Variants in FSTL3 observed in about 807,000 individuals in gnomAD.
The protein encoded by FSTL3 is follistatin-related protein 3.
FSTL3 carries 21 observed loss-of-function variants against 28.1 expected under a neutral mutation model. That is an observed-to-expected ratio of 0.75 (90% CI 0.53 to 1.08). FSTL3 has a LOEUF of 1.08. FSTL3 is among the 50% of genes least tolerant of loss of function. The probability of loss-of-function intolerance (pLI) is 0.00; values close to 1 mark genes in which losing one functional copy is unlikely to be tolerated. For missense variants in FSTL3, 400 were observed against 380.9 expected (o/e 1.05, Z -0.42); for synonymous variants, 199 against 164.2 (o/e 1.21, Z -1.62).
rs754876312 is a variant in FSTL3 at position 682,812 on chromosome 19, C to T, written c.*1104C>T. 6.9e-5 allele frequency: 16 copies of T among 232,838 alleles called. No individual in the cohort carries two copies. The highest frequency in any genetic ancestry group is 1.8e-4 in the South Asian group (1 of 5,542). 14.4% of individuals were successfully genotyped at this position (232,838 alleles called of 1,614,324 possible). On this transcript the variant is annotated 3_prime_UTR_variant, in exon 5 of 5. Coordinates refer to ENST00000166139, the MANE Select transcript of FSTL3 (RefSeq NM_005860.3). ...TCTGGGGGAGCTCTGGCGGGGACCACGGGCCACTGCTCACCCACTGGCCCC... is the reference window on the plus strand; with the variant it reads ...TCTGGGGGAGCTCTGGCGGGGACCATGGGCCACTGCTCACCCACTGGCCCC...
rs2031377546 is a variant in FSTL3, at chr19:683,193, ATCCAGCT to A, written c.*1489_*1495del. On this transcript the variant is annotated 3_prime_UTR_variant, in exon 5 of 5. Coordinates refer to ENST00000166139, the MANE Select transcript of FSTL3 (RefSeq NM_005860.3). ...ATGGGGAGAGGACAACACGGAGGAT[ATCCAGCT>A]TCCCCGGTCTGGGGTGAGGAATGTG... 4.3e-6 allele frequency: 1 copy of A among 232,718 alleles called. No individual in the cohort carries two copies. Among genetic ancestry groups the A allele is most frequent in the African/African-American group, 2.2e-5 (1 of 45,262 alleles). 14.4% of individuals were successfully genotyped at this position (232,718 alleles called of 1,614,324 possible).
chr19:679,589 G>A (rs1032810892), intron 2 of FSTL3, among the ~76,000 whole-genome samples: 1 of 152,244 alleles, frequency 6.6e-6, no homozygotes, highest in African/African-American at 2.4e-5. Flanking sequence ...GTAAAATGAT[G>A]ACTTGGGAAG....
In FSTL3 at chr19:680,464, C is replaced by T. The variant is rs1408027689; in HGVS notation, c.480C>T (p.Ser160=). 4.0e-6 allele frequency: 5 copies of T among 1,253,468 alleles called. No individual in the cohort carries two copies. Among genetic ancestry groups the T allele is most frequent in the Non-Finnish European group, 3.0e-6 (3 of 999,824 alleles). The allele number at this position is 1,253,468 out of a possible 1,614,324, so 77.6% of individuals were successfully genotyped here. A position where few individuals can be genotyped will look rare whatever the true frequency, so the allele number is the denominator to read the frequency against. The part of the protein sequence containing the change: ...AARCRGHPDL[S]VMYRGRCRKS... ...GCTGCCGCGGCCACCCGGACCTGAGCGTCATGTACCGGGGCCGCTGCCGCA... is the reference window on the plus strand; with the variant it reads ...GCTGCCGCGGCCACCCGGACCTGAGTGTCATGTACCGGGGCCGCTGCCGCA... Residue 160 remains serine, a synonymous_variant, in exon 3 of 5, where the codon AGC becomes AGT. Coordinates refer to ENST00000166139, the MANE Select transcript of FSTL3 (RefSeq NM_005860.3).
At chr19:680,198 G>A in intron 2 of FSTL3, 76 bp from the exon 3 acceptor site, 2 of 962,024 alleles carry the variant, frequency 2.1e-6, no homozygotes, top group South Asian at 2.8e-5. Flanking sequence ...GCAGGGAGGG[G>A]CCCCGAGGCC....
At chr19:681,023 G>T (rs1419885640) in intron 3 of FSTL3, 1 of 416,792 alleles carries the variant, frequency 2.4e-6, no homozygotes, top group Non-Finnish European at 4.3e-6. Flanking sequence ...GGGTGGAGAT[G>T]GGCGGGGATT....
At chr19:681,009 T>C (rs116207502) in intron 3 of FSTL3, 5,777 of 359,196 alleles carry the variant, frequency 0.016, 321 homozygotes, top group African/African-American at 0.12. Context: ...GGGGCGTGGT[T>C]CCTGGGTGGA....
Position 676,434 on chromosome 19 carries a change from G to A in FSTL3, c.11G>A (p.Gly4Glu). 2 of 1,207,932 alleles carry A rather than the reference G, an allele frequency of 1.7e-6. No homozygotes were observed. The highest frequency in any genetic ancestry group is 3.3e-5 in the South Asian group (1 of 29,924). 74.8% of individuals were successfully genotyped at this position (1,207,932 alleles called of 1,614,324 possible). A position where few individuals can be genotyped will look rare whatever the true frequency, so the allele number is the denominator to read the frequency against. ...GTCTCTGCGTTCGCCATGCGTCCCG[G>A]GGCGCCAGGGCCACTCTGGCCTCTG... is the stretch of plus-strand genomic sequence containing the variant. MRPGAPGPLWPLPW... is the reference protein window; with the variant it reads MRPEAPGPLWPLPW... Residue 4 changes from glycine (G) to glutamate (E), a missense_variant, in exon 1 of 5, where the codon GGG (glycine) becomes GAG (glutamate). Transcript: ENST00000166139.
chr19:677,143 G>A (rs2031229651), intron 1 of FSTL3, among the ~76,000 whole-genome samples: 1 of 152,272 alleles, frequency 6.6e-6, no homozygotes, highest in African/African-American at 2.4e-5. Flanking sequence ...GATGGGGGCT[G>A]TGGCCGTTCC....
In FSTL3 at chr19:677,749, G is replaced by A. The variant is rs764664559; in HGVS notation, c.104-43G>A. The A allele has an allele frequency of 2.6e-6, 4 of 1,551,328 alleles. No individual in the cohort carries two copies. In the South Asian group the frequency reaches 4.7e-5, roughly 18 times the overall value. On this transcript the variant is annotated intron_variant, in intron 1 of 4. Coordinates refer to ENST00000166139, the MANE Select transcript of FSTL3 (RefSeq NM_005860.3). ...TCTGTGGGCGGGCCAGAAGCTGGGT[G>A]TCAGGAGTGGCCCAGGAGAGCACCC... is the stretch of plus-strand genomic sequence containing the variant.
At chr19:678,128 G>A (rs115777799) in intron 2 of FSTL3, 151 bp downstream of exon 2, 38 of 703,252 alleles carry the variant, frequency 5.4e-5, no homozygotes, top group Admixed American at 1.2e-4. Context: ...GAGAGGGACT[G>A]GGGGGACTTC....
In FSTL3 at chr19:680,287, C is replaced by T; in HGVS notation, c.303C>T (p.Gly101=). The change falls in exon 3 of 5, where the codon GGC becomes GGT. Residue 101 remains glycine, a synonymous_variant. Coordinates refer to ENST00000166139, the MANE Select transcript of FSTL3 (RefSeq NM_005860.3). The stretch of plus-strand genomic sequence containing the variant: ...CTCTGTCCGCAGATTCGTGCGACGG[C>T]GTGGAGTGCGGCCCGGGCAAGGCGT... ...HCLPCKDSCD[G]VECGPGKACR... is the part of the protein sequence containing the mutation. 1 of 1,320,810 alleles carries T rather than the reference C, an allele frequency of 7.6e-7. No individual in the cohort carries two copies. Among genetic ancestry groups the T allele is most frequent in the Non-Finnish European group, 9.6e-7 (1 of 1,037,394 alleles). The allele number at this position is 1,320,810 out of a possible 1,614,324, so 81.8% of individuals were successfully genotyped here. A position where few individuals can be genotyped will look rare whatever the true frequency, so the allele number is the denominator to read the frequency against.
At position 682,296 on chromosome 19, in the gene FSTL3, G is replaced by T. The variant is rs543657401; in HGVS notation, c.*588G>T. 2.3e-4 allele frequency: 59 copies of T among 261,560 alleles called. No individual in the cohort carries two copies. In the South Asian group the frequency reaches 3.2e-3, roughly 14 times the overall value. The allele number at this position is 261,560 out of a possible 1,614,324, so 16.2% of individuals were successfully genotyped here. A position where few individuals can be genotyped will look rare whatever the true frequency, so the allele number is the denominator to read the frequency against. On this transcript the variant is annotated 3_prime_UTR_variant, in exon 5 of 5. Transcript: ENST00000166139. The stretch of plus-strand genomic sequence containing the variant: ...TGAGTATGGAGGGTCTAGCCTGGGT[G>T]AGTATGGAGGGTCTAGCCTGGGTGT...
intron 2 of FSTL3, among the ~76,000 whole-genome samples, chr19:679,325 G>A (rs2031276283): frequency 6.6e-6 from 1 of 152,214 alleles, no homozygotes; most frequent in Non-Finnish European, 1.5e-5. Context: ...GCCCTGCAAG[G>A]GCTGCGTGGC....
chr19:681,260 G>T, intron 3 of FSTL3, 73 bp from the exon 4 acceptor site: 1 of 1,114,892 alleles, frequency 9.0e-7, no homozygotes, highest in Non-Finnish European at 1.3e-6. Flanking sequence ...TTAAGGGTGG[G>T]TCTTGGGGCC....
In FSTL3 at chr19:681,881, G is replaced by A. The variant is rs1305125399; in HGVS notation, c.*173G>A. On this transcript the variant is annotated 3_prime_UTR_variant, in exon 5 of 5. Coordinates refer to ENST00000166139, the MANE Select transcript of FSTL3 (RefSeq NM_005860.3). ...TATCCTGGAAGGACTGAGGAAGGGA[G>A]GCCTGGGGGCCGGCTGGTGGGTGGG... 3.1e-6 allele frequency: 2 copies of A among 653,718 alleles called. No homozygotes were observed. The highest frequency in any genetic ancestry group is 1.8e-5 in the South Asian group (1 of 55,218). The allele number at this position is 653,718 out of a possible 1,614,324, so 40.5% of individuals were successfully genotyped here.
intron 3 of FSTL3, 107 bp from the exon 4 acceptor site, chr19:681,226 C>A: frequency 2.7e-6 from 2 of 747,068 alleles, no homozygotes; most frequent in South Asian, 1.8e-5. Context: ...TGTCTCCTAC[C>A]AGAGGGTTTT....
At position 676,397 on chromosome 19, in the gene FSTL3, G is replaced by T; in HGVS notation, c.-27G>T. 1.1e-6 allele frequency: 1 copy of T among 939,814 alleles called. No homozygotes were observed. Among genetic ancestry groups the T allele is most frequent in the Non-Finnish European group, 1.4e-6 (1 of 735,388 alleles). The allele number at this position is 939,814 out of a possible 1,614,324, so 58.2% of individuals were successfully genotyped here. A position where few individuals can be genotyped will look rare whatever the true frequency, so the allele number is the denominator to read the frequency against. On this transcript the variant is annotated 5_prime_UTR_variant, in exon 1 of 5. Transcript: ENST00000166139. ...AGCGCCGGCCGCGCGCTGGGAAGTC[G>T]GTGCCGCTGCCGTCTCTGCGTTCGC...
intron 4 of FSTL3, 34 bp from the exon 5 acceptor site, chr19:681,616 C>T (rs764621697): frequency 1.3e-6 from 2 of 1,592,270 alleles, no homozygotes; most frequent in Non-Finnish European, 1.7e-6. Flanking sequence ...AACCCCCTGC[C>T]CTGCGCCCTC....
Position 677,937 on chromosome 19 carries a change from C to T in FSTL3, c.249C>T (p.Leu83=), listed in dbSNP as rs769402462. 1 of 1,613,596 alleles carries T rather than the reference C, an allele frequency of 6.2e-7. No individual in the cohort carries two copies. The highest frequency in any genetic ancestry group is 2.2e-5 in the East Asian group (1 of 44,896). Residue 83 remains leucine (L), a synonymous_variant, in exon 2 of 5, where the codon CTC becomes CTT. Coordinates refer to ENST00000166139, the MANE Select transcript of FSTL3 (RefSeq NM_005860.3). ...NLTHPGNKIN[L]LGFLGLVHCL... is the part of the protein sequence containing the mutation. ...CCCACCCGGGGAACAAGATCAACCT[C>T]CTCGGCTTCTTGGGCCTTGTCCACT...
Sources: gnomAD v4.1 joint callset for allele counts (sites outside exome capture counted in the v4.1 genomes callset) on GRCh38, gnomAD v4.1.1 for gene constraint, MANE v1.5 for transcripts, NCBI Gene and HGNC (gene_info 2026-07-23, HGNC 2026-07-21) for gene names.